The following TBC1D5 variants were observed in gnomAD, a reference collection of about 807,000 sequenced individuals.
TBC1D5 encodes the protein TBC1 domain family, member 5.
A neutral mutation model predicts 100.3 loss-of-function variants in TBC1D5; 75 were observed. The observed-to-expected ratio is 0.75, with a 90% CI of 0.62 to 0.91. The LOEUF is 0.91. TBC1D5 is among the 40% of genes least tolerant of loss of function. The pLI, the probability that TBC1D5 is intolerant of heterozygous loss-of-function variation, is 0.00. For missense variants in TBC1D5, 910 were observed against 942.4 expected, an observed-to-expected ratio of 0.97 and a Z score of 0.45; for synonymous variants, 323 against 325.6, an observed-to-expected ratio of 0.99 and a Z score of 0.09.
intron 18 of TBC1D5, among the ~76,000 whole-genome samples, chr3:17,204,282 A>C (rs2071868010): frequency 6.6e-6 from 1 of 152,230 alleles, no homozygotes; most frequent in African/African-American, 2.4e-5. Flanking sequence ...CAGACAAGTC[A>C]AAGCCCTCTT....
intron 2 of TBC1D5, among the ~76,000 whole-genome samples, chr3:17,520,080 C>A (rs893532515): frequency 5.9e-5 from 9 of 152,158 alleles, no homozygotes; most frequent in African/African-American, 2.2e-4. Context: ...AATCACGTAA[C>A]AAACTACATT....
intron 2 of TBC1D5, among the ~76,000 whole-genome samples, chr3:17,604,828 C>T (rs1476586378): frequency 1.3e-5 from 2 of 152,124 alleles, no homozygotes; most frequent in Non-Finnish European, 2.9e-5. Context: ...GTGCATACCA[C>T]CACACCCAGG....
intron 2 of TBC1D5, among the ~76,000 whole-genome samples, chr3:17,550,739 T>G (rs975283134): frequency 6.6e-6 from 1 of 152,182 alleles, no homozygotes; most frequent in African/African-American, 2.4e-5. Context: ...ATCTAACTAC[T>G]GTGAGTCACA....
At chr3:17,710,651 A>C (rs1274663945) in intron 1 of TBC1D5, among the ~76,000 whole-genome samples, 3 of 151,956 alleles carry the variant, frequency 2.0e-5, no homozygotes, top group Non-Finnish European at 2.9e-5. Context: ...ATAAGAGGAA[A>C]AGACAGGGTG....
chr3:17,508,358 C>T, intron 3 of TBC1D5, 116 bp downstream of exon 3: 1 of 754,260 alleles, frequency 1.3e-6, no homozygotes, highest in African/African-American at 1.7e-5. Flanking sequence ...TTAACACTGG[C>T]CTGCTCACTT....
intron 3 of TBC1D5, among the ~76,000 whole-genome samples, chr3:17,458,273 C>A (rs966031451): frequency 6.6e-6 from 1 of 152,002 alleles, no homozygotes; most frequent in East Asian, 1.9e-4. Context: ...GTTTCCATAC[C>A]CCAACTGCAA....
chr3:17,561,926 C>T lies in TBC1D5; in HGVS notation c.-35-53321G>A, dbSNP rs144429725. On this transcript the variant is annotated intron_variant, in intron 2 of 21. Transcript: ENST00000253692. ...ATTAACTGATTATGTAAGTCAACTA[C>T]AGGAAAAAAGACCATACAATGTGTC... The T allele has an allele frequency of 1.1e-4, 17 of 152,166 alleles. No individual in the cohort carries two copies. In the East Asian group the frequency reaches 3.1e-3, roughly 28 times the overall value. 9.4% of individuals were successfully genotyped at this position (152,166 alleles called of 1,614,324 possible). A position where few individuals can be genotyped will look rare whatever the true frequency, so the allele number is the denominator to read the frequency against.
At position 17,722,801 on chromosome 3, in the gene TBC1D5, G is replaced by C. The variant is rs143617233; in HGVS notation, c.-101+16542C>G. Among the ~76,000 whole-genome samples the C allele has an allele frequency of 1.6e-3, 249 of 152,272 alleles. 1 individual carries two copies. Among genetic ancestry groups the C allele is most frequent in the Non-Finnish European group, 1.6e-4 (11 of 68,022 alleles). ...TTAATCCAGATCCATTTAACTTTAA[G>C]GTCTGTTTGCTCTTCCCACTATCCT... On this transcript the variant is annotated intron_variant, in intron 1 of 21. Transcript: ENST00000253692.
chr3:17,263,093 GTGGTACATGC>G (rs1003992621), intron 15 of TBC1D5, among the ~76,000 whole-genome samples: 3 of 151,296 alleles, frequency 2.0e-5, no homozygotes, highest in African/African-American at 7.3e-5. Context: ...GCTGGGCATG[GTGGTACATGC>G]TGCTGAGGCA....
chr3:17,699,335 T>C (rs548834755), intron 1 of TBC1D5, among the ~76,000 whole-genome samples: 4,574 of 133,560 alleles, frequency 0.034, 44 homozygotes, highest in Non-Finnish European at 0.053. Flanking sequence ...TAGGTGGGAA[T>C]TGAACAATGA....
At chr3:17,286,693 T>C (rs1176081215) in intron 15 of TBC1D5, among the ~76,000 whole-genome samples, 1 of 152,224 alleles carries the variant, frequency 6.6e-6, no homozygotes, top group Non-Finnish European at 1.5e-5. Context: ...CACTTACATA[T>C]ATGGCAGTTT....
At chr3:17,291,011 G>C (rs2081670790) in intron 15 of TBC1D5, among the ~76,000 whole-genome samples, 1 of 152,176 alleles carries the variant, frequency 6.6e-6, no homozygotes, top group African/African-American at 2.4e-5. Flanking sequence ...CATTAAACTT[G>C]GAGGCCCAAG....
chr3:17,470,637 T>A (rs2095361702), intron 3 of TBC1D5, among the ~76,000 whole-genome samples: 1 of 152,062 alleles, frequency 6.6e-6, no homozygotes, highest in African/African-American at 2.4e-5. Context: ...ATAAGTGATT[T>A]TTGGATGGGC....
chr3:17,203,639 C>A (rs887022244), intron 18 of TBC1D5, among the ~76,000 whole-genome samples: 4 of 152,110 alleles, frequency 2.6e-5, no homozygotes, highest in Admixed American at 2.6e-4. Flanking sequence ...CCTTGCTATT[C>A]TCGTTATAGT....
At chr3:17,615,014 G>A (rs561852381) in intron 2 of TBC1D5, among the ~76,000 whole-genome samples, 13 of 152,186 alleles carry the variant, frequency 8.5e-5, no homozygotes, top group Non-Finnish European at 1.6e-4. Flanking sequence ...GATATTGGCT[G>A]TGGGTCTGTC....
intron 14 of TBC1D5, among the ~76,000 whole-genome samples, chr3:17,296,954 T>A (rs563657989): frequency 1.8e-4 from 27 of 152,380 alleles, no homozygotes; most frequent in African/African-American, 6.0e-4. Context: ...TCCCACTTAA[T>A]ACACTTTAAA....
intron 13 of TBC1D5, chr3:17,337,431 T>C (rs2088096711): frequency 6.6e-6 from 1 of 152,156 alleles, no homozygotes; most frequent in African/African-American, 2.4e-5. Flanking sequence ...CCAGTTTGGC[T>C]AGAACAAGAA....
chr3:17,720,614 C>T (rs1006872743), intron 1 of TBC1D5, among the ~76,000 whole-genome samples: 1 of 152,050 alleles, frequency 6.6e-6, no homozygotes, highest in African/African-American at 2.4e-5. Flanking sequence ...TTGAGACCAG[C>T]TTGGGCAACA....
intron 1 of TBC1D5, among the ~76,000 whole-genome samples, chr3:17,715,491 TAAAA>T (rs1318501547): frequency 6.6e-6 from 1 of 152,138 alleles, no homozygotes; most frequent in African/African-American, 2.4e-5. Flanking sequence ...TCAAATAACA[TAAAA>T]GAAGGATCTA....
Sources: allele counts gnomAD v4.1 joint callset (sites outside exome capture counted in the v4.1 genomes callset), GRCh38; gene constraint gnomAD v4.1.1; transcripts MANE v1.5; gene names NCBI Gene and HGNC (gene_info 2026-07-23, HGNC 2026-07-21).